Variants in MTHFD2L observed in about 807,000 individuals in gnomAD.
The protein encoded by MTHFD2L is bifunctional methylenetetrahydrofolate dehydrogenase/cyclohydrolase 2, mitochondrial.
Under a neutral mutation model 34.9 loss-of-function variants are expected in MTHFD2L, and 29 were observed. That is an observed-to-expected ratio of 0.83 (90% CI 0.62 to 1.13). The LOEUF is 1.13. Among genes scored for constraint, MTHFD2L ranks in the 50% most tolerant of loss-of-function variants. The pLI is 0.00. For missense variants in MTHFD2L, 481 were observed against 446.5 expected (o/e 1.08, Z -0.70); for synonymous variants, 167 against 155.7 (o/e 1.07, Z -0.54).
intron 3 of MTHFD2L, among the ~76,000 whole-genome samples, chr4:74,179,550 C>T (rs952209813): frequency 1.3e-5 from 2 of 151,994 alleles, no homozygotes; most frequent in African/African-American, 4.8e-5. Context: ...TGGGTATATA[C>T]AGTCTGAATT....
At chr4:74,289,597 A>G (rs1189660686) in intron 7 of MTHFD2L, among the ~76,000 whole-genome samples, 1 of 152,222 alleles carries the variant, frequency 6.6e-6, no homozygotes, top group Non-Finnish European at 1.5e-5. Flanking sequence ...TGAATGACAC[A>G]TAGGCCGTAT....
intron 3 of MTHFD2L, among the ~76,000 whole-genome samples, chr4:74,178,803 T>C (rs866293466): frequency 6.6e-6 from 1 of 152,196 alleles, no homozygotes; most frequent in Middle Eastern, 3.4e-3. Context: ...AAGCTGGAGC[T>C]ATTATATATT....
Position 74,199,898 on chromosome 4 carries a change from C to G in MTHFD2L, c.556C>G (p.Leu186Val). ...IGRLCLDQHS[L>V]IPATASAVWE... ...AAGATTGTGCCTTGATCAGCATTCT[C>G]TCATACCTGCCACTGCCAGTGCTGT... Residue 186 changes from leucine to valine, a missense_variant, in exon 4 of 8, where the codon CTC becomes GTC. Coordinates refer to ENST00000325278, the MANE Select transcript of MTHFD2L (RefSeq NM_001144978.3). The G allele has an allele frequency of 1.2e-6, 2 of 1,614,014 alleles. No individual in the cohort carries two copies. Among genetic ancestry groups the G allele is most frequent in the Non-Finnish European group, 1.7e-6 (2 of 1,179,980 alleles).
In MTHFD2L at chr4:74,299,127, A is replaced by G. The variant is rs546484430; in HGVS notation, c.932-2570A>G. ...ACCTTTCAAAGTTAGAAACCAAACT[A>G]TATAAAAATAATTTTATACCCACAA... On this transcript the variant is annotated intron_variant, in intron 7 of 7. Transcript: ENST00000325278. Among the ~76,000 whole-genome samples the G allele has an allele frequency of 3.3e-5, 5 of 152,118 alleles. No individual in the cohort carries two copies. In the East Asian group the frequency reaches 5.8e-4, roughly 18 times the overall value.
chr4:74,187,800 T>TACACACACACACACACACACACACACAC (rs61173269), intron 3 of MTHFD2L, among the ~76,000 whole-genome samples: 203 of 144,372 alleles, frequency 1.4e-3, no homozygotes, highest in East Asian at 3.0e-3. Context: ...CCTGTGTATT[T>TACACACACACACACACACACACACACAC]ACACACACAC....
intron 7 of MTHFD2L, among the ~76,000 whole-genome samples, chr4:74,291,148 G>A (rs555535761): frequency 1.9e-4 from 28 of 150,580 alleles, no homozygotes; most frequent in African/African-American, 6.8e-4. Context: ...CTTCTGAGTA[G>A]CTGGGACTAC....
intron 6 of MTHFD2L, among the ~76,000 whole-genome samples, chr4:74,246,066 A>G (rs1253048059): frequency 4.2e-5 from 6 of 142,718 alleles, no homozygotes; most frequent in Admixed American, 3.5e-4. Flanking sequence ...GACTTCCACA[A>G]TGGTTGAACT....
At chr4:74,155,978 TACAA>T (rs1249091359), upstream of MTHFD2L, among the ~76,000 whole-genome samples, 2 of 151,774 alleles carry the variant, frequency 1.3e-5, no homozygotes, top group Admixed American at 6.6e-5. Flanking sequence ...ATTTAGAACA[TACAA>T]ACAAAATTTA....
In MTHFD2L at chr4:74,276,522, C is replaced by T. The variant is rs143667029; in HGVS notation, c.806-4903C>T. The stretch of plus-strand genomic sequence containing the variant: ...TTCACTTGAAATCATTCATTTTCAA[C>T]TCTAACAAAAAGAAAAATATCCGGA... On this transcript the variant is annotated intron_variant, in intron 6 of 7. Coordinates refer to ENST00000325278, the MANE Select transcript of MTHFD2L (RefSeq NM_001144978.3). 1.7e-4 allele frequency among the ~76,000 whole-genome samples: 26 copies of T among 152,184 alleles called. No homozygotes were observed. The East Asian group carries it at 3.9e-3, about 23-fold the overall frequency.
At chr4:74,248,454 G>A (rs1742809983) in intron 6 of MTHFD2L, among the ~76,000 whole-genome samples, 1 of 151,432 alleles carries the variant, frequency 6.6e-6, no homozygotes, top group Non-Finnish European at 1.5e-5. Context: ...TTAATTTTTT[G>A]AAGGGTTTTT....
chr4:74,290,533 A>G (rs370730767), intron 7 of MTHFD2L, among the ~76,000 whole-genome samples: 1 of 152,166 alleles, frequency 6.6e-6, no homozygotes, highest in East Asian at 1.9e-4. Context: ...AAAGATTGTG[A>G]TAATAATTTC....
chr4:74,254,079 T>C (rs537085610), intron 6 of MTHFD2L, among the ~76,000 whole-genome samples: 14 of 152,212 alleles, frequency 9.2e-5, no homozygotes, highest in Non-Finnish European at 1.5e-4. Context: ...TAAATGCATT[T>C]GGGGACGTCT....
intron 5 of MTHFD2L, among the ~76,000 whole-genome samples, chr4:74,201,947 C>T (rs1734510544): frequency 6.6e-6 from 1 of 152,160 alleles, no homozygotes; most frequent in African/African-American, 2.4e-5. Flanking sequence ...TTGGTTTCTT[C>T]AGCAGTCTAA....
rs1415227651 is a variant in MTHFD2L at position 74,302,998 on chromosome 4, A to G, written c.*1189A>G. On this transcript the variant is annotated 3_prime_UTR_variant, in exon 8 of 8. Transcript: ENST00000325278. ...ACCAATAATGACTCTTACCCAGCGC[A>G]TGTCTTTATCAGTGTGTACTCGTGA... The G allele has an allele frequency of 6.6e-6, 1 of 152,132 alleles. No individual in the cohort carries two copies. Among genetic ancestry groups the G allele is most frequent in the African/African-American group, 2.4e-5 (1 of 41,458 alleles). The allele number at this position is 152,132 out of a possible 1,614,324, so 9.4% of individuals were successfully genotyped here.
chr4:74,178,262 T>C (rs1337434756), intron 3 of MTHFD2L, among the ~76,000 whole-genome samples: 2 of 152,086 alleles, frequency 1.3e-5, no homozygotes, highest in Non-Finnish European at 2.9e-5. Flanking sequence ...CAAAAATACA[T>C]ATCTTGACTT....
chr4:74,165,033 G>A (rs1421782561), intron 1 of MTHFD2L: 3 of 983,372 alleles, frequency 3.1e-6, no homozygotes, highest in African/African-American at 3.5e-5. Context: ...TTAATGGCAA[G>A]GTCACTATGT....
At chr4:74,197,332 A>G (rs1733657269) in intron 3 of MTHFD2L, among the ~76,000 whole-genome samples, 2 of 152,176 alleles carry the variant, frequency 1.3e-5, no homozygotes. Flanking sequence ...TCAGTCACAA[A>G]CAGGAAATGT....
At chr4:74,298,435 C>T (rs1236747058) in intron 7 of MTHFD2L, among the ~76,000 whole-genome samples, 2 of 151,974 alleles carry the variant, frequency 1.3e-5, no homozygotes, top group African/African-American at 4.8e-5. Context: ...TAAAAAATTT[C>T]CGGCGGATAT....
At chr4:74,230,514 C>A (rs561942400) in intron 6 of MTHFD2L, among the ~76,000 whole-genome samples, 17 of 149,974 alleles carry the variant, frequency 1.1e-4, no homozygotes, top group Middle Eastern at 6.9e-3. Context: ...CACTTGAACC[C>A]GGGAGGCGGA....
Sources: allele counts gnomAD v4.1 joint callset (sites outside exome capture counted in the v4.1 genomes callset), GRCh38; gene constraint gnomAD v4.1.1; transcripts MANE v1.5; gene names NCBI Gene and HGNC (gene_info 2026-07-23, HGNC 2026-07-21).